Variants in DGKH observed in about 807,000 individuals in gnomAD.
The protein encoded by DGKH is DAG kinase eta.
In DGKH, 90 loss-of-function variants were observed where a neutral mutation model predicts 159.3. The observed-to-expected ratio is 0.57, with a 90% CI of 0.48 to 0.67. The LOEUF (loss-of-function observed/expected upper bound fraction) is 0.67, where lower values mean the gene tolerates loss of function less well. Ranked by LOEUF, DGKH falls within the 30% of genes least tolerant of loss-of-function variation. The probability of loss-of-function intolerance (pLI) is 0.00; values close to 1 mark genes in which losing one functional copy is unlikely to be tolerated. For synonymous variants in DGKH, 536 were observed against 553.8 expected, an observed-to-expected ratio of 0.97 and a Z score of 0.45; for missense variants, 1,181 against 1,506.1, an observed-to-expected ratio of 0.78 and a Z score of 3.57.
Position 42,219,230 on chromosome 13 carries a change from C to T in DGKH, c.3214C>T (p.Gln1072Ter). 1 of 1,613,280 alleles carries T rather than the reference C, an allele frequency of 6.2e-7. No individual in the cohort carries two copies. Among genetic ancestry groups the T allele is most frequent in the Non-Finnish European group, 8.5e-7 (1 of 1,179,646 alleles). ...ESLLVGRVPL[Q>*]LESPHEERVS... Reference sequence around the variant, plus strand: ...TGTCTTTTAATCTGCTGGTAAATAGCAGCTGGAATCGCCACATGAAGAGCG... The same window carrying T: ...TGTCTTTTAATCTGCTGGTAAATAGTAGCTGGAATCGCCACATGAAGAGCG... Residue 1072 changes from glutamine to a stop codon, truncating the protein, a stop_gained and splice_region_variant, in exon 27 of 30, where the codon CAG becomes TAG. Transcript: ENST00000337343. LOFTEE classifies it high-confidence loss of function.
chr13:42,119,954 A>G (rs762663777), intron 1 of DGKH, among the ~76,000 whole-genome samples: 1 of 152,200 alleles, frequency 6.6e-6, no homozygotes, highest in Admixed American at 6.5e-5. Context: ...TACTGATAAT[A>G]CAAACTTTGA....
intron 29 of DGKH, among the ~76,000 whole-genome samples, chr13:42,224,903 A>AAT (rs760409674): frequency 0.12 from 16,885 of 144,788 alleles, 959 homozygotes; most frequent in Middle Eastern, 0.19. Context: ...GGAAAAAAAA[A>AAT]ATATATATAT....
At chr13:42,192,368 C>G (rs1311402671) in intron 16 of DGKH, among the ~76,000 whole-genome samples, 2 of 152,118 alleles carry the variant, frequency 1.3e-5, no homozygotes, top group Non-Finnish European at 2.9e-5. Flanking sequence ...TTTCTATTTT[C>G]TCCCCTAAAT....
Position 42,235,049 on chromosome 13 carries a change from G to A in DGKH, c.*5861G>A, listed in dbSNP as rs931257774. 6.6e-6 allele frequency: 1 copy of A among 152,198 alleles called. No homozygotes were observed. The highest frequency in any genetic ancestry group is 2.1e-4 in the South Asian group (1 of 4,818). 9.4% of individuals were successfully genotyped at this position (152,198 alleles called of 1,614,324 possible). A position where few individuals can be genotyped will look rare whatever the true frequency, so the allele number is the denominator to read the frequency against. Reference sequence around the variant, plus strand: ...AAAACTATAAAGTTTTATCATTGTAGAGAACAGAGAGATCAAAGACAGCTG... The same window carrying A: ...AAAACTATAAAGTTTTATCATTGTAAAGAACAGAGAGATCAAAGACAGCTG... On this transcript the variant is annotated 3_prime_UTR_variant, in exon 30 of 30. Coordinates refer to ENST00000337343, the MANE Select transcript of DGKH (RefSeq NM_178009.5).
chr13:42,070,562 T>G, intron 1 of DGKH: 1 of 1,513,640 alleles, frequency 6.6e-7, no homozygotes, highest in South Asian at 1.1e-5. Context: ...TGAGGATCCA[T>G]GATCCGTGCA....
chr13:42,168,789 G>C lies in DGKH; in HGVS notation c.1338G>C (p.Leu446=). The C allele has an allele frequency of 2.5e-6, 4 of 1,613,846 alleles. No homozygotes were observed. The highest frequency in any genetic ancestry group is 3.4e-6 in the Non-Finnish European group (4 of 1,179,900). Reference sequence around the variant, plus strand: ...AACTTCCTCAGATCCTAGAGAAACTGGAACGAGCCAGTACCAAAATGTTGG... The same window carrying C: ...AACTTCCTCAGATCCTAGAGAAACTCGAACGAGCCAGTACCAAAATGTTGG... ...DTQLPQILEK[L]ERASTKMLDR... The change falls in exon 11 of 30, where the codon CTG becomes CTC. Residue 446 remains leucine (L), a synonymous_variant. Transcript: ENST00000337343.
chr13:42,101,468 C>G (rs753915078), intron 1 of DGKH, among the ~76,000 whole-genome samples: 21 of 152,242 alleles, frequency 1.4e-4, no homozygotes, highest in Non-Finnish European at 2.8e-4. Flanking sequence ...GTTTCTCAGT[C>G]TTACCAGTCA....
chr13:42,152,693 T>G (rs1392861166), intron 3 of DGKH, among the ~76,000 whole-genome samples: 1 of 140,704 alleles, frequency 7.1e-6, no homozygotes, highest in Non-Finnish European at 1.6e-5. Flanking sequence ...CTTCTATTTT[T>G]GATGCTCTGG....
At position 42,168,782 on chromosome 13, in the gene DGKH, A is replaced by G; in HGVS notation, c.1331A>G (p.Glu444Gly). 6.2e-7 allele frequency: 1 copy of G among 1,614,122 alleles called. No individual in the cohort carries two copies. The change falls in exon 11 of 30, where the codon GAG becomes GGG. Residue 444 changes from glutamate (E) to glycine (G), a missense_variant. Glu to Gly is a moderately conservative substitution (Grantham distance 98). This residue lies in a region of DGKH where 369 missense variants were observed against 519.4 expected (regional missense o/e 0.71). Coordinates refer to ENST00000337343, the MANE Select transcript of DGKH (RefSeq NM_178009.5). ...GACACCCAACTTCCTCAGATCCTAG[A>G]GAAACTGGAACGAGCCAGTACCAAA... ...DDDTQLPQIL[E>G]KLERASTKML...
chr13:42,147,675 C>G (rs1450395731), intron 3 of DGKH, among the ~76,000 whole-genome samples: 2 of 152,116 alleles, frequency 1.3e-5, no homozygotes, highest in Admixed American at 1.3e-4. Flanking sequence ...ACTAATACTG[C>G]TAATTTACAG....
intron 16 of DGKH, among the ~76,000 whole-genome samples, chr13:42,191,340 G>C (rs1358206034): frequency 1.3e-5 from 2 of 152,060 alleles, no homozygotes; most frequent in African/African-American, 4.8e-5. Flanking sequence ...ATAGACATTG[G>C]GGACTACTAG....
At chr13:42,054,406 A>G (rs905681333) in intron 1 of DGKH, among the ~76,000 whole-genome samples, 21 of 152,218 alleles carry the variant, frequency 1.4e-4, no homozygotes, top group African/African-American at 5.1e-4. Flanking sequence ...AGAAGCAAGT[A>G]GGAACTTTTA....
At position 42,059,905 on chromosome 13, in the gene DGKH, C is replaced by CTT. The variant is rs11357293; in HGVS notation, c.192+10954_192+10955dup. ...AAAGTTTAAGTTCTCTCTCTTTTTT[C>CTT]TTTTTTTTTTTTTTTATATATATAG... On this transcript the variant is annotated intron_variant, in intron 1 of 29. Coordinates refer to ENST00000337343, the MANE Select transcript of DGKH (RefSeq NM_178009.5). Among the ~76,000 whole-genome samples, 827 of 139,836 alleles carry CTT rather than the reference C, an allele frequency of 5.9e-3. 7 individuals carry two copies. The highest frequency in any genetic ancestry group is 0.016 in the African/African-American group (612 of 37,910). 91.7% of individuals were successfully genotyped at this position (139,836 alleles called of 152,430 possible).
In DGKH at chr13:42,241,569, T is replaced by C. The variant is rs1200351473; in HGVS notation, c.*12381T>C. 1.3e-5 allele frequency: 2 copies of C among 152,238 alleles called. No homozygotes were observed. Among genetic ancestry groups the C allele is most frequent in the Non-Finnish European group, 2.9e-5 (2 of 68,044 alleles). 9.4% of individuals were successfully genotyped at this position (152,238 alleles called of 1,614,324 possible). A position where few individuals can be genotyped will look rare whatever the true frequency, so the allele number is the denominator to read the frequency against. On this transcript the variant is annotated 3_prime_UTR_variant, in exon 30 of 30. Transcript: ENST00000337343. ...AGAATGTGAACTCACATTTAAAGTTTATTTTGGGAAGGCATATATGCCTTT... is the reference window on the plus strand; with the variant it reads ...AGAATGTGAACTCACATTTAAAGTTCATTTTGGGAAGGCATATATGCCTTT...
intron 3 of DGKH, among the ~76,000 whole-genome samples, chr13:42,135,468 T>C (rs1377957500): frequency 3.0e-5 from 3 of 100,478 alleles, no homozygotes; most frequent in Non-Finnish European, 3.9e-5. Flanking sequence ...CCAGTCTGGG[T>C]GGCAGAGAAA....
At chr13:42,254,759 T>C (rs997454843) in intron 30 of DGKH, among the ~76,000 whole-genome samples, 4 of 152,236 alleles carry the variant, frequency 2.6e-5, no homozygotes, top group Non-Finnish European at 4.4e-5. Flanking sequence ...TTTTGAATTA[T>C]ACATATGTGT....
In DGKH at chr13:42,068,802, A is replaced by T. The variant is rs1593980508; in HGVS notation, c.192+19837A>T. ...TAGAAAAAGAAAGTCTGGATTTTAA[A>T]AACCAAGTACTCATAAAATCCTTAC... On this transcript the variant is annotated intron_variant, in intron 1 of 29. Transcript: ENST00000337343. The T allele has an allele frequency of 2.6e-5, 11 of 424,994 alleles. No homozygotes were observed. In the East Asian group the frequency reaches 4.1e-4, roughly 16 times the overall value. The allele number at this position is 424,994 out of a possible 1,614,324, so 26.3% of individuals were successfully genotyped here. A position where few individuals can be genotyped will look rare whatever the true frequency, so the allele number is the denominator to read the frequency against.
intron 3 of DGKH, among the ~76,000 whole-genome samples, chr13:42,144,251 G>A (rs1201073686): frequency 6.6e-6 from 1 of 152,136 alleles, no homozygotes; most frequent in African/African-American, 2.4e-5. Context: ...AGGTATAGTA[G>A]GGAGGCATGG....
chr13:42,172,462 G>A (rs1374980779), intron 11 of DGKH, among the ~76,000 whole-genome samples: 1 of 152,146 alleles, frequency 6.6e-6, no homozygotes, highest in Non-Finnish European at 1.5e-5. Context: ...AAAATATAAT[G>A]TATGTCTATT....
Sources: allele counts gnomAD v4.1 joint callset (sites outside exome capture counted in the v4.1 genomes callset), GRCh38; gene constraint gnomAD v4.1.1; regional missense constraint gnomAD v4.1.1; transcripts MANE v1.5; gene names NCBI Gene and HGNC (gene_info 2026-07-23, HGNC 2026-07-21).